The following C6 variants were observed in gnomAD, a reference collection of about 807,000 sequenced individuals.
C6 encodes the protein complement C6.
C6 carries 101 observed loss-of-function variants against 112.9 expected under a neutral mutation model. The ratio of observed to expected loss-of-function variants is 0.89; its 90% CI spans 0.76 to 1.06. C6 has a LOEUF of 1.06. Ranked by LOEUF, C6 falls within the 50% of genes least tolerant of loss-of-function variation. C6 has a pLI of 0.00. For missense variants in C6, 1,202 were observed against 1,104.6 expected, an observed-to-expected ratio of 1.09 and a Z score of -1.25; for synonymous variants, 431 against 384.1, an observed-to-expected ratio of 1.12 and a Z score of -1.43.
chr5:41,230,998 A>G (rs1739863621), intron 1 of C6, among the ~76,000 whole-genome samples: 1 of 152,154 alleles, frequency 6.6e-6, no homozygotes, highest in Admixed American at 6.5e-5. Context: ...GTCTCATCTA[A>G]GTATAGCCAT....
chr5:41,209,150 G>C (rs958260000), intron 1 of C6, among the ~76,000 whole-genome samples: 10 of 152,094 alleles, frequency 6.6e-5, no homozygotes, highest in African/African-American at 2.4e-4. Context: ...TGCAGAAAAG[G>C]CCTTCGACAA....
intron 1 of C6, among the ~76,000 whole-genome samples, chr5:41,206,916 C>T (rs1340202596): frequency 3.3e-5 from 5 of 152,124 alleles, no homozygotes; most frequent in South Asian, 2.1e-4. Flanking sequence ...CTCTAAGACA[C>T]ATAATTGTCA....
At position 41,256,713 on chromosome 5, in the gene C6, G is replaced by A. The variant is rs1017412186; in HGVS notation, c.-21+4481C>T. ...CCTCAATAATGTTGCCAACTGCACCGTATTCCAAGCCAACCTTCTTTTTTT... is the reference window on the plus strand; with the variant it reads ...CCTCAATAATGTTGCCAACTGCACCATATTCCAAGCCAACCTTCTTTTTTT... On this transcript the variant is annotated intron_variant, in intron 1 of 17. Coordinates refer to the C6 transcript ENST00000263413. Among the ~76,000 whole-genome samples, 5 of 152,156 alleles carry A rather than the reference G, an allele frequency of 3.3e-5. No individual in the cohort carries two copies. The South Asian group carries it at 1.0e-3, about 32-fold the overall frequency.
chr5:41,231,249 C>A (rs114942638), intron 1 of C6, among the ~76,000 whole-genome samples: 1,654 of 152,076 alleles, frequency 0.011, 34 homozygotes, highest in African/African-American at 0.037. Flanking sequence ...AAAATTGCTT[C>A]TTATTTTGTA....
intron 6 of C6, among the ~76,000 whole-genome samples, chr5:41,184,269 G>T (rs1749591338): frequency 6.6e-6 from 1 of 152,148 alleles, no homozygotes; most frequent in African/African-American, 2.4e-5. Context: ...CATTTTAACT[G>T]ATAGTTTATG....
At chr5:41,234,685 CT>C (rs912236257) in intron 1 of C6, among the ~76,000 whole-genome samples, 25 of 152,144 alleles carry the variant, frequency 1.6e-4, no homozygotes, top group African/African-American at 5.8e-4. Flanking sequence ...AGAAAACCCT[CT>C]GCCTTGAGAT....
At chr5:41,183,386 T>C (rs945432894) in intron 6 of C6, among the ~76,000 whole-genome samples, 1 of 152,088 alleles carries the variant, frequency 6.6e-6, no homozygotes, top group African/African-American at 2.4e-5. Flanking sequence ...AAAATGCTCA[T>C]CATCAATAAT....
intron 1 of C6, among the ~76,000 whole-genome samples, chr5:41,260,402 T>G (rs1033549355): frequency 1.3e-5 from 2 of 151,868 alleles, no homozygotes; most frequent in African/African-American, 4.8e-5. Flanking sequence ...TTCAGATCCC[T>G]TCTCTTCAGT....
At chr5:41,257,094 T>C (rs1195150505) in intron 1 of C6, among the ~76,000 whole-genome samples, 1 of 152,162 alleles carries the variant, frequency 6.6e-6, no homozygotes, top group Non-Finnish European at 1.5e-5. Context: ...TAAATTGCAT[T>C]TCACGGGGGT....
At chr5:41,204,819 A>G (rs887623005) in intron 1 of C6, among the ~76,000 whole-genome samples, 1 of 151,752 alleles carries the variant, frequency 6.6e-6, no homozygotes, top group African/African-American at 2.4e-5. Flanking sequence ...ACAGGTGCTC[A>G]CCACCACATC....
At chr5:41,185,429 C>A (rs1018488774) in intron 6 of C6, among the ~76,000 whole-genome samples, 1 of 152,142 alleles carries the variant, frequency 6.6e-6, no homozygotes, top group Non-Finnish European at 1.5e-5. Flanking sequence ...ACCATTAAAA[C>A]GTGTATTTTC....
chr5:41,192,416 GTTCCCT>G (rs1193941760), intron 5 of C6, among the ~76,000 whole-genome samples: 3 of 152,032 alleles, frequency 2.0e-5, no homozygotes, highest in Non-Finnish European at 4.4e-5. Context: ...GTTTGGAAAA[GTTCCCT>G]TTCGATTTTT....
At chr5:41,149,618 T>A (rs555802440) in intron 16 of C6, 136 bp from the exon 17 acceptor site, 1 of 1,120,872 alleles carries the variant, frequency 8.9e-7, no homozygotes, top group African/African-American at 1.5e-5. Flanking sequence ...AGCCCTGGGC[T>A]TGAGTGAGAG....
At chr5:41,235,261 A>G (rs531764406) in intron 1 of C6, among the ~76,000 whole-genome samples, 23 of 120,488 alleles carry the variant, frequency 1.9e-4, no homozygotes, top group Non-Finnish European at 2.7e-4. Context: ...AGAGTGTGAT[A>G]TTCCCCTTCC....
intron 1 of C6, among the ~76,000 whole-genome samples, chr5:41,232,813 C>T (rs1474978090): frequency 6.6e-6 from 1 of 151,544 alleles, no homozygotes; most frequent in African/African-American, 2.4e-5. Context: ...ATTTTTTGTT[C>T]TTTTTTCTCA....
At chr5:41,188,181 GTGT>G (rs758318441) in intron 5 of C6, among the ~76,000 whole-genome samples, 2 of 152,064 alleles carry the variant, frequency 1.3e-5, no homozygotes, top group Non-Finnish European at 2.9e-5. Context: ...GGCAGAATTT[GTGT>G]TGTTGAGATA....
At chr5:41,234,901 C>T (rs1740159199) in intron 1 of C6, among the ~76,000 whole-genome samples, 1 of 151,978 alleles carries the variant, frequency 6.6e-6, no homozygotes, top group Non-Finnish European at 1.5e-5. Flanking sequence ...ATAATAATTC[C>T]TTACTAATGA....
intron 8 of C6, among the ~76,000 whole-genome samples, chr5:41,175,671 A>C (rs1748781943): frequency 6.6e-6 from 1 of 152,152 alleles, no homozygotes; most frequent in South Asian, 2.1e-4. Context: ...GTGGGAAATT[A>C]TTTTCTGGGC....
chr5:41,214,725 G>A (rs141787865), upstream of C6, among the ~76,000 whole-genome samples: 300 of 152,258 alleles, frequency 2.0e-3, 1 homozygote, highest in Middle Eastern at 0.014. Flanking sequence ...GGTCTTTGAG[G>A]TCCTAAAATA....
Sources: allele counts gnomAD v4.1 joint callset (sites outside exome capture counted in the v4.1 genomes callset), GRCh38; gene constraint gnomAD v4.1.1; transcripts MANE v1.5; gene names NCBI Gene and HGNC (gene_info 2026-07-23, HGNC 2026-07-21).